ITPR2: variants seen among roughly 807,000 people sequenced by gnomAD.
The protein encoded by ITPR2 is inositol 1,4,5-trisphosphate receptor type 2.
Under a neutral mutation model 317.1 loss-of-function variants are expected in ITPR2, and 207 were observed. The ratio of observed to expected loss-of-function variants is 0.65; its 90% CI spans 0.58 to 0.73. ITPR2 has a LOEUF of 0.73. Ranked by LOEUF, ITPR2 falls within the 30% of genes least tolerant of loss-of-function variation. ITPR2 has a pLI of 0.00. For missense variants in ITPR2, 2,613 were observed against 3,284.0 expected (o/e 0.80, Z 4.99); for synonymous variants, 1,156 against 1,149.1 (o/e 1.01, Z -0.12).
intron 1 of ITPR2, among the ~76,000 whole-genome samples, chr12:26,819,932 A>G (rs2137289757): frequency 6.6e-6 from 1 of 152,196 alleles, no homozygotes; most frequent in Non-Finnish European, 1.5e-5. Flanking sequence ...TTAGCTGGGC[A>G]TGGTGGCACG....
At chr12:26,617,309 T>C (rs1382816887) in intron 26 of ITPR2, among the ~76,000 whole-genome samples, 3 of 152,204 alleles carry the variant, frequency 2.0e-5, no homozygotes, top group African/African-American at 7.2e-5. Context: ...TGAACAAATT[T>C]ATGCCAATAA....
At chr12:26,645,112 G>A (rs1326755828) in intron 21 of ITPR2, among the ~76,000 whole-genome samples, 1 of 152,078 alleles carries the variant, frequency 6.6e-6, no homozygotes, top group Non-Finnish European at 1.5e-5. Flanking sequence ...CATTCTACTG[G>A]TGTTGATCCT....
At position 26,432,902 on chromosome 12, in the gene ITPR2, C is replaced by T. The variant is rs141554456; in HGVS notation, c.6769+3319G>A. The stretch of plus-strand genomic sequence containing the variant: ...TTTCATCCATCTTTAATCTCACCCA[C>T]CTCTAAATCACTTCACAGTGGCCCT... On this transcript the variant is annotated intron_variant, in intron 48 of 56. Coordinates refer to ENST00000381340, the MANE Select transcript of ITPR2 (RefSeq NM_002223.4). Among the ~76,000 whole-genome samples, 530 of 152,290 alleles carry T rather than the reference C, an allele frequency of 3.5e-3. 2 individuals carry two copies. The highest frequency in any genetic ancestry group is 0.01 in the Middle Eastern group (3 of 294).
chr12:26,667,159 T>C (rs752691388), intron 13 of ITPR2, among the ~76,000 whole-genome samples: 8 of 152,198 alleles, frequency 5.3e-5, no homozygotes, highest in Non-Finnish European at 8.8e-5. Flanking sequence ...GAAAACTACA[T>C]TTTAAGAGCT....
At chr12:26,730,955 A>G (rs1326603767) in intron 2 of ITPR2, among the ~76,000 whole-genome samples, 1 of 152,198 alleles carries the variant, frequency 6.6e-6, no homozygotes, top group Admixed American at 6.5e-5. Flanking sequence ...ATAGCTGTAT[A>G]AATAGTTTTG....
intron 21 of ITPR2, among the ~76,000 whole-genome samples, chr12:26,647,985 G>A (rs1315509683): frequency 6.6e-6 from 1 of 152,000 alleles, no homozygotes; most frequent in Non-Finnish European, 1.5e-5. Context: ...ATTGTGACAG[G>A]GAGCAGCCAC....
At chr12:26,497,015 C>T (rs924616024) in intron 37 of ITPR2, among the ~76,000 whole-genome samples, 2 of 151,518 alleles carry the variant, frequency 1.3e-5, no homozygotes, top group Non-Finnish European at 2.9e-5. Flanking sequence ...ACCTACTACC[C>T]GCCCCCACCC....
At chr12:26,739,859 T>C (rs1270913775) in intron 2 of ITPR2, among the ~76,000 whole-genome samples, 1 of 152,242 alleles carries the variant, frequency 6.6e-6, no homozygotes, top group Non-Finnish European at 1.5e-5. Context: ...TTCACTTTTC[T>C]ATGGATCAAT....
intron 55 of ITPR2, among the ~76,000 whole-genome samples, chr12:26,347,052 G>T (rs1449324564): frequency 6.6e-6 from 1 of 152,140 alleles, no homozygotes; most frequent in Non-Finnish European, 1.5e-5. Flanking sequence ...AACCTAGAAA[G>T]TTTAGGTTTC....
chr12:26,813,667 C>T (rs16931370), intron 1 of ITPR2, among the ~76,000 whole-genome samples: 19,741 of 152,086 alleles, frequency 0.13, 1,644 homozygotes, highest in East Asian at 0.2. Context: ...TAGCTGATGT[C>T]AAGGTGAAGT....
intron 37 of ITPR2, among the ~76,000 whole-genome samples, chr12:26,531,581 T>C (rs965616342): frequency 4.6e-5 from 7 of 152,178 alleles, no homozygotes; most frequent in African/African-American, 1.7e-4. Flanking sequence ...TATCTCAGAT[T>C]TTTAAAAGGT....
chr12:26,591,344 C>T (rs61920331), intron 32 of ITPR2, among the ~76,000 whole-genome samples: 15,040 of 152,152 alleles, frequency 0.099, 1,019 homozygotes, highest in South Asian at 0.17. Context: ...TGTTCAACAT[C>T]ATTGATCACA....
chr12:26,482,285 T>G (rs1942559303), intron 42 of ITPR2, among the ~76,000 whole-genome samples: 1 of 152,222 alleles, frequency 6.6e-6, no homozygotes, highest in South Asian at 2.1e-4. Flanking sequence ...CCAGCAATCT[T>G]TCCTCCCACA....
At chr12:26,573,963 T>G (rs1045784011) in intron 34 of ITPR2, among the ~76,000 whole-genome samples, 1 of 152,196 alleles carries the variant, frequency 6.6e-6, no homozygotes, top group Non-Finnish European at 1.5e-5. Flanking sequence ...GACACTCTTC[T>G]GTCATCCATG....
intron 1 of ITPR2, among the ~76,000 whole-genome samples, chr12:26,797,829 T>C (rs575472551): frequency 1.3e-5 from 2 of 151,350 alleles, no homozygotes; most frequent in Non-Finnish European, 1.5e-5. Context: ...GTAGCTGGGA[T>C]TACAGGTGCA....
At chr12:26,441,304 T>C (rs952363681) in intron 46 of ITPR2, among the ~76,000 whole-genome samples, 2 of 152,168 alleles carry the variant, frequency 1.3e-5, no homozygotes, top group African/African-American at 4.8e-5. Context: ...GCTCTTCCTA[T>C]TTCCCAGGGT....
chr12:26,488,446 A>T (rs750247552), intron 39 of ITPR2, among the ~76,000 whole-genome samples: 2 of 152,002 alleles, frequency 1.3e-5, no homozygotes, highest in Non-Finnish European at 2.9e-5. Context: ...GACTCTAATG[A>T]CATCAGGTCT....
intron 49 of ITPR2, among the ~76,000 whole-genome samples, chr12:26,424,658 C>T (rs1281961123): frequency 7.7e-6 from 1 of 130,220 alleles, no homozygotes; most frequent in Admixed American, 9.3e-5. Flanking sequence ...GGCACGATCT[C>T]GGCTCACTGC....
intron 45 of ITPR2, among the ~76,000 whole-genome samples, chr12:26,457,293 G>T (rs777476780): frequency 3.9e-5 from 6 of 152,168 alleles, no homozygotes; most frequent in Non-Finnish European, 7.3e-5. Context: ...CACAAAGTAG[G>T]TTCTTGACTC....
Sources: gnomAD v4.1 joint callset for allele counts (sites outside exome capture counted in the v4.1 genomes callset) on GRCh38, gnomAD v4.1.1 for gene constraint, MANE v1.5 for transcripts, NCBI Gene and HGNC (gene_info 2026-07-23, HGNC 2026-07-21) for gene names.